Variants in CLSTN2 observed in about 807,000 individuals in gnomAD.
CLSTN2 encodes the protein calsyntenin 2, also known as calsyntenin-2.
Under a neutral mutation model 101.2 loss-of-function variants are expected in CLSTN2, and 48 were observed. The ratio of observed to expected loss-of-function variants is 0.47; its 90% CI spans 0.38 to 0.60. The LOEUF (loss-of-function observed/expected upper bound fraction) is 0.60. CLSTN2 is among the 20% of genes least tolerant of loss of function. The pLI is 0.00. For synonymous variants in CLSTN2, 481 were observed against 463.6 expected (o/e 1.04, Z -0.48); for missense variants, 1,160 against 1,238.2 (o/e 0.94, Z 0.95).
chr3:139,982,328 G>T (rs1249928163), intron 1 of CLSTN2, among the ~76,000 whole-genome samples: 1 of 151,500 alleles, frequency 6.6e-6, no homozygotes, highest in African/African-American at 2.4e-5. Flanking sequence ...ATTTATACTT[G>T]TGAATGATAG....
At chr3:140,411,917 C>A (rs1361376001) in intron 4 of CLSTN2, among the ~76,000 whole-genome samples, 4 of 152,196 alleles carry the variant, frequency 2.6e-5, no homozygotes, top group African/African-American at 9.7e-5. Flanking sequence ...ACACAGAGAA[C>A]AGGAAGTGCA....
At chr3:140,517,962 G>A (rs1055027396) in intron 8 of CLSTN2, among the ~76,000 whole-genome samples, 3 of 152,106 alleles carry the variant, frequency 2.0e-5, no homozygotes, top group East Asian at 3.9e-4. Context: ...GGTTAGGTGT[G>A]TCTGAGCGCA....
intron 8 of CLSTN2, among the ~76,000 whole-genome samples, chr3:140,473,747 T>G (rs1933907566): frequency 7.8e-6 from 1 of 128,170 alleles, no homozygotes; most frequent in African/African-American, 2.5e-5. Context: ...TTTTTGTGTT[T>G]TTTTTTTGTT....
At chr3:140,101,756 T>A (rs1300505314) in intron 1 of CLSTN2, among the ~76,000 whole-genome samples, 2 of 152,172 alleles carry the variant, frequency 1.3e-5, no homozygotes, top group Non-Finnish European at 1.5e-5. Context: ...TTCCATCTTA[T>A]AACTATGTCA....
chr3:140,201,744 T>C (rs1482454098), intron 2 of CLSTN2, among the ~76,000 whole-genome samples: 1 of 152,000 alleles, frequency 6.6e-6, no homozygotes, highest in African/African-American at 2.4e-5. Context: ...ACAGCTGAGG[T>C]AGAAGTGGAA....
intron 1 of CLSTN2, among the ~76,000 whole-genome samples, chr3:140,041,350 C>T (rs1201161384): frequency 6.6e-6 from 1 of 152,042 alleles, no homozygotes; most frequent in Admixed American, 6.6e-5. Context: ...TTATAGATAA[C>T]AGAGGGGTCA....
intron 1 of CLSTN2, among the ~76,000 whole-genome samples, chr3:140,013,051 G>A (rs948851630): frequency 1.3e-5 from 2 of 152,208 alleles, no homozygotes; most frequent in African/African-American, 4.8e-5. Context: ...GAGGCCAAGG[G>A]AGGAGGGCCT....
intron 10 of CLSTN2, among the ~76,000 whole-genome samples, chr3:140,547,899 A>G (rs1349688910): frequency 6.6e-6 from 1 of 152,198 alleles, no homozygotes; most frequent in African/African-American, 2.4e-5. Flanking sequence ...AGCCCCATGA[A>G]GCCCCAGAAG....
chr3:140,390,773 T>C (rs1403755256), intron 2 of CLSTN2, among the ~76,000 whole-genome samples: 2 of 152,222 alleles, frequency 1.3e-5, no homozygotes, highest in Non-Finnish European at 2.9e-5. Context: ...CATTTGAGAA[T>C]CCAAACATCT....
chr3:140,335,921 T>G (rs762275463), intron 2 of CLSTN2, among the ~76,000 whole-genome samples: 7 of 152,220 alleles, frequency 4.6e-5, no homozygotes, highest in Non-Finnish European at 1.0e-4. Flanking sequence ...TCATCTGCAC[T>G]GCTGTTAGGA....
chr3:140,473,311 G>C (rs985205181), intron 8 of CLSTN2, among the ~76,000 whole-genome samples: 3 of 152,122 alleles, frequency 2.0e-5, no homozygotes, highest in Admixed American at 2.0e-4. Flanking sequence ...TCTGTTAGGT[G>C]CCTGTGGCAG....
At chr3:140,014,673 G>C (rs766100527) in intron 1 of CLSTN2, among the ~76,000 whole-genome samples, 18 of 152,186 alleles carry the variant, frequency 1.2e-4, no homozygotes, top group Non-Finnish European at 2.2e-4. Flanking sequence ...CCTGTGCCCA[G>C]CGTGTCTGAG....
At chr3:140,422,305 T>C (rs1186738224) in intron 5 of CLSTN2, among the ~76,000 whole-genome samples, 1 of 152,156 alleles carries the variant, frequency 6.6e-6, no homozygotes, top group Non-Finnish European at 1.5e-5. Flanking sequence ...CAGACCACCC[T>C]ATAAATCTCT....
chr3:140,313,429 C>T (rs987499270), intron 2 of CLSTN2, among the ~76,000 whole-genome samples: 1 of 151,988 alleles, frequency 6.6e-6, no homozygotes, highest in Non-Finnish European at 1.5e-5. Flanking sequence ...AGGGCCCTCA[C>T]GAAAGACTCC....
chr3:139,979,088 G>A (rs1021251260), intron 1 of CLSTN2, among the ~76,000 whole-genome samples: 5 of 152,148 alleles, frequency 3.3e-5, no homozygotes, highest in Non-Finnish European at 4.4e-5. Flanking sequence ...CGCTTTGGAG[G>A]TGGAAGGCCT....
intron 2 of CLSTN2, among the ~76,000 whole-genome samples, chr3:140,271,443 G>A (rs555492704): frequency 1.1e-3 from 166 of 152,282 alleles, no homozygotes; most frequent in Non-Finnish European, 2.2e-3. Context: ...TGTTTGTAAT[G>A]ACAGAAATTT....
At chr3:140,165,299 T>C (rs1018586302) in intron 1 of CLSTN2, among the ~76,000 whole-genome samples, 55 of 152,284 alleles carry the variant, frequency 3.6e-4, no homozygotes, top group African/African-American at 1.3e-3. Flanking sequence ...GGAATCAAAG[T>C]GCTGCTCTTT....
chr3:140,152,201 G>A (rs1320277139), intron 1 of CLSTN2, among the ~76,000 whole-genome samples: 1 of 152,016 alleles, frequency 6.6e-6, no homozygotes, highest in Non-Finnish European at 1.5e-5. Flanking sequence ...ATGTTCTAAT[G>A]TCCTTGGGAG....
intron 2 of CLSTN2, among the ~76,000 whole-genome samples, chr3:140,317,835 A>G (rs1235795843): frequency 6.6e-6 from 1 of 152,162 alleles, no homozygotes; most frequent in Non-Finnish European, 1.5e-5. Context: ...TGTAATTTTT[A>G]TAATCAAGGC....
Sources: gnomAD v4.1 joint callset for allele counts (sites outside exome capture counted in the v4.1 genomes callset) on GRCh38, gnomAD v4.1.1 for gene constraint, MANE v1.5 for transcripts, NCBI Gene and HGNC (gene_info 2026-07-23, HGNC 2026-07-21) for gene names.